HTT: variants seen among roughly 807,000 people sequenced by gnomAD.
HTT encodes the protein huntingtin.
In HTT, 104 loss-of-function variants were observed where a neutral mutation model predicts 362.3. That is an observed-to-expected ratio of 0.29 (90% CI 0.24 to 0.34). HTT has a LOEUF of 0.34. HTT is among the 10% of genes least tolerant of loss of function. The probability of loss-of-function intolerance (pLI) is 1.00; values close to 1 mark genes in which losing one functional copy is unlikely to be tolerated. For synonymous variants in HTT, 1,577 were observed against 1,548.7 expected (o/e 1.02, Z -0.43); for missense variants, 3,301 against 3,928.6 (o/e 0.84, Z 4.27).
chr4:3,134,397 C>G lies in HTT; in HGVS notation c.2494-4C>G. 1.2e-6 allele frequency: 2 copies of G among 1,612,736 alleles called. No individual in the cohort carries two copies. The highest frequency in any genetic ancestry group is 1.7e-6 in the Non-Finnish European group (2 of 1,179,374). On this transcript the variant is annotated splice_polypyrimidine_tract_variant and splice_region_variant and intron_variant, in intron 18 of 66. Transcript: ENST00000355072. ...GTCCTCTTGCCTTGGACCTTGTGTT[C>G]CAGAACTGTGTCATGAGTCTCTGCA...
chr4:3,138,156 CTT>C (rs1716166089), intron 21 of HTT, among the ~76,000 whole-genome samples: 4 of 134,634 alleles, frequency 3.0e-5, no homozygotes, highest in African/African-American at 1.2e-4. Flanking sequence ...TTCCCTTTCC[CTT>C]CCCCTTTTCC....
intron 5 of HTT, among the ~76,000 whole-genome samples, chr4:3,107,039 A>T (rs969937681): frequency 1.3e-5 from 2 of 152,186 alleles, no homozygotes; most frequent in Non-Finnish European, 2.9e-5. Flanking sequence ...AAGTATTATG[A>T]TTTACTGCAA....
At chr4:3,212,845 A>G in intron 49 of HTT, 136 bp downstream of exon 49, 1 of 887,118 alleles carries the variant, frequency 1.1e-6, no homozygotes, top group Non-Finnish European at 1.7e-6. Context: ...GCCTGGCAGT[A>G]AGTCTTGTCA....
At chr4:3,194,802 A>G (rs1719171355) in intron 40 of HTT, among the ~76,000 whole-genome samples, 1 of 152,216 alleles carries the variant, frequency 6.6e-6, no homozygotes, top group African/African-American at 2.4e-5. Context: ...ATACTGGAAG[A>G]GAGAGAAAGT....
At chr4:3,134,603 T>A in intron 19 of HTT, 63 bp downstream of exon 19, 3 of 1,421,486 alleles carry the variant, frequency 2.1e-6, no homozygotes, top group Non-Finnish European at 2.9e-6. Context: ...TGGGATCACT[T>A]GATGCAAGGA....
chr4:3,222,494 C>G lies in HTT; in HGVS notation c.7470+7C>G. The G allele has an allele frequency of 6.2e-7, 1 of 1,610,000 alleles. No individual in the cohort carries two copies. ...GGAGGAGAGCCCACCAGAAGTAAGG[C>G]CACACCCTGTGCTGGTTGGCACATG... is the stretch of plus-strand genomic sequence containing the variant. On this transcript the variant is annotated splice_region_variant and intron_variant, in intron 54 of 66. Coordinates refer to ENST00000355072, the MANE Select transcript of HTT (RefSeq NM_001388492.1).
chr4:3,107,916 A>G lies in HTT; in HGVS notation c.747+493A>G, dbSNP rs139776263. ...GACCCTGTCACATGCTCTACAGATT[A>G]CAGGATTCTTAGCCTCTTCCTTTTT... is the stretch of plus-strand genomic sequence containing the variant. On this transcript the variant is annotated intron_variant, in intron 6 of 66. Transcript: ENST00000355072. Among the ~76,000 whole-genome samples, 72 of 152,354 alleles carry G rather than the reference A, an allele frequency of 4.7e-4. No individual in the cohort carries two copies. In the East Asian group the frequency reaches 9.4e-3, roughly 20 times the overall value.
intron 1 of HTT, among the ~76,000 whole-genome samples, chr4:3,078,422 G>C (rs1446558949): frequency 6.6e-6 from 1 of 152,192 alleles, no homozygotes; most frequent in African/African-American, 2.4e-5. Context: ...CAGGGAAGGG[G>C]ATAGGGAAAT....
chr4:3,112,422 C>G (rs887067348), intron 6 of HTT, among the ~76,000 whole-genome samples: 35 of 152,216 alleles, frequency 2.3e-4, no homozygotes, highest in African/African-American at 8.2e-4. Flanking sequence ...CCTATTCCCC[C>G]GTCACTGCTC....
At position 3,229,003 on chromosome 4, in the gene HTT, C is replaced by A; in HGVS notation, c.8103C>A (p.Val2701=). The change falls in exon 59 of 67, where the codon GTC becomes GTA. Residue 2701 remains valine (V), a synonymous_variant. Coordinates refer to ENST00000355072, the MANE Select transcript of HTT (RefSeq NM_001388492.1). ...CGGCCATCCTGATCAGTGAGGTGGT[C>A]AGATCCGTAAGTGAGCCTTCCCATT... ...RTPAILISEV[V]RSLLVVSDLF... is the part of the protein sequence containing the mutation. 1.2e-6 allele frequency: 2 copies of A among 1,612,434 alleles called. No homozygotes were observed. Among genetic ancestry groups the A allele is most frequent in the South Asian group, 2.2e-5 (2 of 90,990 alleles).
In HTT at chr4:3,174,755, T is replaced by G. The variant is rs765968177; in HGVS notation, c.4201T>G (p.Leu1401Val). The G allele has an allele frequency of 6.2e-7, 1 of 1,613,992 alleles. No individual in the cohort carries two copies. The highest frequency in any genetic ancestry group is 1.3e-5 in the African/African-American group (1 of 74,920). The change falls in exon 32 of 67, where the codon TTG becomes GTG. Residue 1401 changes from leucine to valine, a missense_variant. This residue lies in a region of HTT where 2,316 missense variants were observed against 2,658.5 expected (regional missense o/e 0.87). Coordinates refer to ENST00000355072, the MANE Select transcript of HTT (RefSeq NM_001388492.1). ...TGTCCTCCAGAAAGTGTCTACCCAG[T>G]TGAAGACAAACCTCACGAGTGTCAC... ...FDVLQKVSTQLKTNLTSVTKN... is the reference protein window; with the variant it reads ...FDVLQKVSTQVKTNLTSVTKN...
At chr4:3,111,763 C>T (rs1356131692) in intron 6 of HTT, among the ~76,000 whole-genome samples, 1 of 152,090 alleles carries the variant, frequency 6.6e-6, no homozygotes, top group Non-Finnish European at 1.5e-5. Flanking sequence ...GGGGCTGCTT[C>T]CTGGGCTGCC....
At position 3,117,856 on chromosome 4, in the gene HTT, C is replaced by T. The variant is rs144439399; in HGVS notation, c.1068+1593C>T. ...TCAAAAAAACAAAACTGCAAAACAA[C>T]GTCACAAAACAGTGCCATTGTTAGA... On this transcript the variant is annotated intron_variant, in intron 8 of 66. Transcript: ENST00000355072. Among the ~76,000 whole-genome samples the T allele has an allele frequency of 1.6e-3, 247 of 152,248 alleles. 2 individuals carry two copies. Among genetic ancestry groups the T allele is most frequent in the Admixed American group, 2.9e-3 (45 of 15,296 alleles).
At chr4:3,225,936 T>C (rs1720890756) in intron 57 of HTT, among the ~76,000 whole-genome samples, 193 bp downstream of exon 57, 1 of 152,042 alleles carries the variant, frequency 6.6e-6, no homozygotes, top group African/African-American at 2.4e-5. Context: ...GAAGCATTAG[T>C]TTTGTTTTTA....
chr4:3,114,938 A>G (rs558846269), intron 6 of HTT, among the ~76,000 whole-genome samples: 69 of 152,266 alleles, frequency 4.5e-4, no homozygotes, highest in Non-Finnish European at 8.8e-4. Context: ...AGGGTGGGGC[A>G]TTTACTGCAG....
chr4:3,116,857 G>A (rs1715057053), intron 8 of HTT, among the ~76,000 whole-genome samples: 1 of 152,228 alleles, frequency 6.6e-6, no homozygotes, highest in African/African-American at 2.4e-5. Context: ...CACTAACTAT[G>A]TAACCATGCA....
intron 46 of HTT, 123 bp from the exon 47 acceptor site, chr4:3,209,704 C>T: frequency 1.7e-6 from 2 of 1,198,902 alleles, no homozygotes; most frequent in South Asian, 2.8e-5. Flanking sequence ...AGCCTGCCGG[C>T]CGGCAGCCCT....
At chr4:3,120,411 T>C (rs1448434969) in intron 8 of HTT, among the ~76,000 whole-genome samples, 1 of 152,228 alleles carries the variant, frequency 6.6e-6, no homozygotes, top group Non-Finnish European at 1.5e-5. Flanking sequence ...TATAATGTGA[T>C]ATAGCAGGGG....
intron 52 of HTT, 107 bp from the exon 53 acceptor site, chr4:3,220,075 G>T: frequency 8.2e-7 from 1 of 1,224,214 alleles, no homozygotes; most frequent in Non-Finnish European, 1.2e-6. Flanking sequence ...ACAGTGTTGG[G>T]GTAGTGAGGA....
Sources: gnomAD v4.1 joint callset for allele counts (sites outside exome capture counted in the v4.1 genomes callset) on GRCh38, gnomAD v4.1.1 for gene constraint, gnomAD v4.1.1 regional missense constraint, MANE v1.5 for transcripts, NCBI Gene and HGNC (gene_info 2026-07-23, HGNC 2026-07-21) for gene names.